SAMD4A: variants seen among roughly 807,000 people sequenced by gnomAD.
SAMD4A encodes protein Smaug homolog 1.
Under a neutral mutation model 81.3 loss-of-function variants are expected in SAMD4A, and 33 were observed. That is an observed-to-expected ratio of 0.41 (90% CI 0.31 to 0.54). SAMD4A has a LOEUF of 0.54. SAMD4A is among the 20% of genes least tolerant of loss of function. The pLI is 0.37. For missense variants in SAMD4A, 854 were observed against 951.1 expected, an observed-to-expected ratio of 0.90 and a Z score of 1.34; for synonymous variants, 389 against 382.1, an observed-to-expected ratio of 1.02 and a Z score of -0.21.
At chr14:54,687,820 A>G in intron 2 of SAMD4A, 1 of 243,940 alleles carries the variant, frequency 4.1e-6, no homozygotes, top group African/African-American at 2.3e-5. Context: ...TAAATGTTTG[A>G]GATGTGACAT....
chr14:54,701,767 A>G (rs2036724111), intron 2 of SAMD4A, among the ~76,000 whole-genome samples: 1 of 152,222 alleles, frequency 6.6e-6, no homozygotes, highest in Non-Finnish European at 1.5e-5. Flanking sequence ...CAGAAAGAAA[A>G]CAGAGCTGCA....
chr14:54,644,228 C>G (rs906749764), intron 2 of SAMD4A, among the ~76,000 whole-genome samples: 3 of 152,160 alleles, frequency 2.0e-5, no homozygotes, highest in African/African-American at 7.2e-5. Context: ...AGAGGTGTAT[C>G]TTGTCTAAGG....
chr14:54,595,078 C>T lies in SAMD4A; in HGVS notation c.196+26966C>T, dbSNP rs1288181756. Among the ~76,000 whole-genome samples the T allele has an allele frequency of 3.9e-5, 6 of 152,124 alleles. No homozygotes were observed. The East Asian group carries it at 1.2e-3, about 29-fold the overall frequency. On this transcript the variant is annotated intron_variant, in intron 2 of 12. Transcript: ENST00000554335. ...AGAGTACAAACTTATAAAACTTGCCCCTGTCGTTCTTTGGTGTGTCGCAAA... is the reference window on the plus strand; with the variant it reads ...AGAGTACAAACTTATAAAACTTGCCTCTGTCGTTCTTTGGTGTGTCGCAAA...
intron 3 of SAMD4A, among the ~76,000 whole-genome samples, chr14:54,723,863 G>A (rs1040657242): frequency 6.6e-6 from 1 of 152,066 alleles, no homozygotes; most frequent in African/African-American, 2.4e-5. Context: ...TAACTCTCTG[G>A]GAAGTTAACA....
At chr14:54,733,629 G>A (rs1192305177) in intron 3 of SAMD4A, among the ~76,000 whole-genome samples, 3 of 151,922 alleles carry the variant, frequency 2.0e-5, no homozygotes, top group African/African-American at 4.8e-5. Context: ...TTTTTTAAAG[G>A]TATACTTAAT....
At chr14:54,600,126 T>C (rs1302516105) in intron 2 of SAMD4A, among the ~76,000 whole-genome samples, 2 of 152,174 alleles carry the variant, frequency 1.3e-5, no homozygotes, top group African/African-American at 2.4e-5. Context: ...CAAAGCTGTG[T>C]CCTGGCCTTT....
At chr14:54,773,761 T>G (rs1046603409) in intron 9 of SAMD4A, among the ~76,000 whole-genome samples, 6 of 152,188 alleles carry the variant, frequency 3.9e-5, no homozygotes, top group Non-Finnish European at 8.8e-5. Context: ...CGACCTTATA[T>G]CCCTCGCCCC....
chr14:54,673,803 G>A (rs1335715315), intron 2 of SAMD4A, among the ~76,000 whole-genome samples: 2 of 152,222 alleles, frequency 1.3e-5, no homozygotes, highest in Non-Finnish European at 2.9e-5. Flanking sequence ...GAGCTGAAGG[G>A]AGATCAAATT....
chr14:54,705,281 G>A lies in SAMD4A; in HGVS notation c.715+2701G>A, dbSNP rs577250867. 5.9e-5 allele frequency among the ~76,000 whole-genome samples: 9 copies of A among 152,228 alleles called. No individual in the cohort carries two copies. In the South Asian group the frequency reaches 8.3e-4, roughly 14 times the overall value. ...GCCCTCATTTTCAGTTCTGATGGGCGCCTGACATAAGCACCTTACCCTGAG... is the reference window on the plus strand; with the variant it reads ...GCCCTCATTTTCAGTTCTGATGGGCACCTGACATAAGCACCTTACCCTGAG... On this transcript the variant is annotated intron_variant, in intron 3 of 12. Transcript: ENST00000554335.
At chr14:54,701,029 C>T (rs1476346856) in intron 2 of SAMD4A, 4 of 147,678 alleles carry the variant, frequency 2.7e-5, no homozygotes, top group African/African-American at 1.0e-4. Flanking sequence ...ACCAGGTCTC[C>T]TCTGTCACCC....
At chr14:54,637,236 A>G (rs28705310) in intron 2 of SAMD4A, among the ~76,000 whole-genome samples, 100,331 of 151,196 alleles carry the variant, frequency 0.66, 33,801 homozygotes, top group East Asian at 0.89. Flanking sequence ...ATGGTGGCGG[A>G]CACCTGTAAT....
At chr14:54,691,549 CAAAAAAAA>C (rs10610242) in intron 2 of SAMD4A, among the ~76,000 whole-genome samples, 15 of 101,074 alleles carry the variant, frequency 1.5e-4, no homozygotes, top group East Asian at 1.4e-3. Context: ...CTTCCCTTCT[CAAAAAAAA>C]AAAAAAAAAA....
At chr14:54,576,216 G>C (rs916043462) in intron 2 of SAMD4A, among the ~76,000 whole-genome samples, 8 of 151,984 alleles carry the variant, frequency 5.3e-5, no homozygotes, top group African/African-American at 1.9e-4. Flanking sequence ...TGTGTGTGCA[G>C]CATAAATACA....
chr14:54,703,045 T>A (rs2036760909), intron 3 of SAMD4A: 1 of 154,592 alleles, frequency 6.5e-6, no homozygotes, highest in African/African-American at 2.4e-5. Context: ...ATTTATTTAT[T>A]TTTTCTTAAA....
intron 2 of SAMD4A, among the ~76,000 whole-genome samples, chr14:54,582,795 A>C (rs1041417998): frequency 6.6e-6 from 1 of 152,116 alleles, no homozygotes; most frequent in Non-Finnish European, 1.5e-5. Flanking sequence ...TAGGAGACGC[A>C]TGCAGAAGTC....
At chr14:54,602,246 A>C (rs1417001261) in intron 2 of SAMD4A, among the ~76,000 whole-genome samples, 1 of 151,958 alleles carries the variant, frequency 6.6e-6, no homozygotes. Context: ...TACAAAGAAG[A>C]AGCATATCAA....
intron 9 of SAMD4A, among the ~76,000 whole-genome samples, chr14:54,773,276 A>G (rs906603445): frequency 7.2e-5 from 11 of 152,318 alleles, no homozygotes; most frequent in African/African-American, 2.6e-4. Context: ...TCTCTTTCTC[A>G]GGAAATGACT....
At chr14:54,751,933 A>G (rs2038112160) in intron 6 of SAMD4A, among the ~76,000 whole-genome samples, 1 of 152,198 alleles carries the variant, frequency 6.6e-6, no homozygotes, top group African/African-American at 2.4e-5. Context: ...CTTTGGTCTC[A>G]CTGTCCTCCC....
intron 3 of SAMD4A, among the ~76,000 whole-genome samples, chr14:54,704,819 C>T (rs1010585143): frequency 8.5e-5 from 13 of 152,168 alleles, no homozygotes; most frequent in South Asian, 2.1e-4. Flanking sequence ...TAAGAAAATG[C>T]GAATGTCATT....
Sources: allele counts gnomAD v4.1 joint callset (sites outside exome capture counted in the v4.1 genomes callset), GRCh38; gene constraint gnomAD v4.1.1; transcripts MANE v1.5; gene names NCBI Gene and HGNC (gene_info 2026-07-23, HGNC 2026-07-21).